The following EIF2A variants were observed in gnomAD, a reference collection of about 807,000 sequenced individuals.
EIF2A encodes 65 kDa eukaryotic translation initiation factor 2A.
A neutral mutation model predicts 75.2 loss-of-function variants in EIF2A; 62 were observed. The ratio of observed to expected loss-of-function variants is 0.82; its 90% confidence interval spans 0.67 to 1.02. The LOEUF is 1.02. Among genes scored for constraint, EIF2A ranks in the 50% least tolerant of loss-of-function variants. The pLI is 0.00. For synonymous variants in EIF2A, 207 were observed against 239.0 expected, an observed-to-expected ratio of 0.87 and a Z score of 1.23; for missense variants, 611 against 677.7, an observed-to-expected ratio of 0.90 and a Z score of 1.09.
chr3:150,556,283 T>C (rs916503212), intron 2 of EIF2A, among the ~76,000 whole-genome samples: 1 of 152,194 alleles, frequency 6.6e-6, no homozygotes, highest in Non-Finnish European at 1.5e-5. Flanking sequence ...TGAGTTATTA[T>C]ACAGTAGGAA....
chr3:150,546,981 G>A, intron 1 of EIF2A, 151 bp downstream of exon 1: 1 of 1,053,910 alleles, frequency 9.5e-7, no homozygotes. Flanking sequence ...TCTTGATATA[G>A]CGTGGCAATC....
At chr3:150,564,436 C>G in intron 6 of EIF2A, 55 bp downstream of exon 6, 1 of 1,382,414 alleles carries the variant, frequency 7.2e-7, no homozygotes, top group South Asian at 1.4e-5. Context: ...TATACAGTTT[C>G]CATTAACTTT....
chr3:150,569,068 TATTTCC>T (rs1724356337), intron 9 of EIF2A, among the ~76,000 whole-genome samples: 1 of 152,340 alleles, frequency 6.6e-6, no homozygotes, highest in African/African-American at 2.4e-5. Flanking sequence ...TTAAAAAAAC[TATTTCC>T]ATTGAAGTCA....
intron 10 of EIF2A, among the ~76,000 whole-genome samples, 179 bp from the exon 11 acceptor site, chr3:150,575,470 A>C (rs1724801517): frequency 6.6e-6 from 1 of 152,232 alleles, no homozygotes; most frequent in Admixed American, 6.5e-5. Flanking sequence ...GGAAGACCCT[A>C]ATTAAATCCA....
At chr3:150,558,361 T>A in intron 2 of EIF2A, 27 bp from the exon 3 acceptor site, 1 of 1,431,290 alleles carries the variant, frequency 7.0e-7, no homozygotes. Context: ...CTTATTCATT[T>A]AAACCTTTTT....
At chr3:150,569,777 C>T (rs1038577551) in intron 9 of EIF2A, among the ~76,000 whole-genome samples, 5 of 151,352 alleles carry the variant, frequency 3.3e-5, no homozygotes, top group African/African-American at 1.2e-4. Flanking sequence ...ATCGTGCCAC[C>T]GCACTCCAGC....
At position 150,552,413 on chromosome 3, in the gene EIF2A, C is replaced by A; in HGVS notation, c.86C>A (p.Thr29Lys). ...VNGPPHFTES[T>K]VFPRESGKNC... ...GGACCACCACATTTTACAGAAAGCA[C>A]AGTGTTTCCAAGGTATGATTTATTT... Residue 29 changes from threonine (T) to lysine (K), a missense_variant, in exon 2 of 14, where the codon ACA becomes AAA. By Grantham distance (78) the Thr-to-Lys change is moderately conservative. Transcript: ENST00000460851. The A allele has an allele frequency of 6.4e-7, 1 of 1,552,964 alleles. No individual in the cohort carries two copies. The highest frequency in any genetic ancestry group is 8.7e-7 in the Non-Finnish European group (1 of 1,147,328).
At chr3:150,563,704 A>T (rs1373904884) in intron 5 of EIF2A, 90 bp downstream of exon 5, 3 of 1,044,424 alleles carry the variant, frequency 2.9e-6, no homozygotes, top group Non-Finnish European at 4.0e-6. Flanking sequence ...TTGATTTAAA[A>T]AATAACTTAT....
At chr3:150,583,075 AG>A in intron 12 of EIF2A, 124 bp from the exon 13 acceptor site, 1 of 784,908 alleles carries the variant, frequency 1.3e-6, no homozygotes, top group Non-Finnish European at 2.0e-6. Flanking sequence ...GCATTTTAAC[AG>A]ACCATTGTTG....
chr3:150,565,509 T>C (rs972031592), intron 6 of EIF2A, among the ~76,000 whole-genome samples: 2 of 152,224 alleles, frequency 1.3e-5, no homozygotes, highest in African/African-American at 4.8e-5. Context: ...CTTGCTCTTA[T>C]CAGTTTTAAT....
chr3:150,554,950 C>G (rs1475529988), intron 2 of EIF2A, among the ~76,000 whole-genome samples: 1 of 151,218 alleles, frequency 6.6e-6, no homozygotes, highest in South Asian at 2.1e-4. Flanking sequence ...TTTTTTTTTC[C>G]AGAGTCTTGC....
At chr3:150,558,293 T>C (rs1188172208) in intron 2 of EIF2A, 95 bp from the exon 3 acceptor site, 2 of 1,118,866 alleles carry the variant, frequency 1.8e-6, no homozygotes, top group Non-Finnish European at 2.4e-6. Flanking sequence ...TTCTTAGTTA[T>C]TAAATTGATA....
chr3:150,582,777 C>T (rs1328000252), intron 12 of EIF2A, among the ~76,000 whole-genome samples: 1 of 152,154 alleles, frequency 6.6e-6, no homozygotes, highest in East Asian at 1.9e-4. Flanking sequence ...AAAAAAAGGT[C>T]TCTAGAGCCC....
intron 12 of EIF2A, among the ~76,000 whole-genome samples, chr3:150,582,384 G>A (rs1054785598): frequency 6.0e-5 from 9 of 150,182 alleles, no homozygotes; most frequent in East Asian, 2.0e-4. Context: ...GCGCGATCTC[G>A]GCTCACTGCA....
chr3:150,562,115 G>A (rs1576593390), intron 3 of EIF2A, among the ~76,000 whole-genome samples: 2 of 149,792 alleles, frequency 1.3e-5, no homozygotes, highest in East Asian at 4.2e-4. Context: ...ACTTAAAGTT[G>A]ATTTTTATGA....
At chr3:150,552,450 G>A in intron 2 of EIF2A, 25 bp downstream of exon 2, 2 of 1,538,966 alleles carry the variant, frequency 1.3e-6, no homozygotes, top group African/African-American at 1.4e-5. Flanking sequence ...GTTAAGTAAT[G>A]TTATAGGGAA....
intron 8 of EIF2A, 65 bp downstream of exon 8, chr3:150,568,111 G>A: frequency 6.2e-7 from 1 of 1,601,758 alleles, no homozygotes; most frequent in Non-Finnish European, 8.5e-7. Flanking sequence ...ATATTCCTAT[G>A]TGTATAACAG....
chr3:150,560,867 A>G (rs1311308799), intron 3 of EIF2A, among the ~76,000 whole-genome samples: 1 of 152,084 alleles, frequency 6.6e-6, no homozygotes, highest in Non-Finnish European at 1.5e-5. Context: ...CTAAGCCTAA[A>G]TTTCAGCACT....
chr3:150,558,308 A>G, intron 2 of EIF2A, 80 bp from the exon 3 acceptor site: 1 of 1,242,280 alleles, frequency 8.0e-7, no homozygotes, highest in Non-Finnish European at 1.1e-6. Flanking sequence ...TTGATAGTGA[A>G]ATGGTTGACT....
Sources: gnomAD v4.1 joint callset for allele counts (sites outside exome capture counted in the v4.1 genomes callset) on GRCh38, gnomAD v4.1.1 for gene constraint, MANE v1.5 for transcripts, NCBI Gene and HGNC (gene_info 2026-07-23, HGNC 2026-07-21) for gene names.